AFDN: variants seen among roughly 807,000 people sequenced by gnomAD.
AFDN encodes the protein afadin, adherens junction formation factor.
Under a neutral mutation model 216.6 loss-of-function variants are expected in AFDN, and 68 were observed. That is an observed-to-expected ratio of 0.31 (90% CI 0.26 to 0.38). The LOEUF (loss-of-function observed/expected upper bound fraction) is 0.38, where lower values mean the gene tolerates loss of function less well. Among genes scored for constraint, AFDN ranks in the 10% least tolerant of loss-of-function variants. The pLI is 1.00. For missense variants in AFDN, 2,136 were observed against 2,342.0 expected (o/e 0.91, Z 1.82); for synonymous variants, 868 against 853.7 (o/e 1.02, Z -0.29).
chr6:167,928,642 G>A (rs898248569), intron 23 of AFDN, among the ~76,000 whole-genome samples: 1 of 152,332 alleles, frequency 6.6e-6, no homozygotes, highest in Admixed American at 6.5e-5. Flanking sequence ...GTGCCCGACT[G>A]TGCCTGAGTC....
intron 22 of AFDN, chr6:167,923,223 A>G (rs1792051326): frequency 7.1e-6 from 2 of 281,270 alleles, no homozygotes; most frequent in Non-Finnish European, 6.5e-6. Context: ...TACCAGTCTT[A>G]ATACATATTT....
intron 1 of AFDN, among the ~76,000 whole-genome samples, chr6:167,854,366 A>T (rs867403024): frequency 1.3e-5 from 2 of 151,600 alleles, no homozygotes; most frequent in Admixed American, 6.6e-5. Context: ...CAAGTTGGAA[A>T]TTTTTTTCCC....
At chr6:167,889,473 G>T in intron 7 of AFDN, 147 bp downstream of exon 7, 2 of 585,650 alleles carry the variant, frequency 3.4e-6, no homozygotes, top group Non-Finnish European at 5.8e-6. Flanking sequence ...CACTCTTGTT[G>T]CCCAGGCTGG....
intron 13 of AFDN, 49 bp from the exon 14 acceptor site, chr6:167,911,052 T>C: frequency 2.7e-6 from 4 of 1,489,394 alleles, no homozygotes; most frequent in Non-Finnish European, 3.7e-6. Context: ...TCAGTAATAT[T>C]GTTAGCCATG....
intron 30 of AFDN, among the ~76,000 whole-genome samples, chr6:167,961,926 G>C (rs1797075644): frequency 6.6e-6 from 1 of 152,154 alleles, no homozygotes; most frequent in South Asian, 2.1e-4. Flanking sequence ...ATGGACGACT[G>C]CCCGGCCCAC....
chr6:167,899,508 A>T (rs1241148691), intron 11 of AFDN, among the ~76,000 whole-genome samples: 1 of 152,106 alleles, frequency 6.6e-6, no homozygotes, highest in African/African-American at 2.4e-5. Context: ...TTTTTCATTG[A>T]TCAGCCGTGT....
At chr6:167,885,702 G>C (rs1786706389) in intron 6 of AFDN, among the ~76,000 whole-genome samples, 2 of 152,234 alleles carry the variant, frequency 1.3e-5, no homozygotes. Flanking sequence ...GACACAAAGT[G>C]AGCAATGCTG....
intron 23 of AFDN, among the ~76,000 whole-genome samples, chr6:167,937,595 T>TAC (rs10625113): frequency 0.99 from 150,549 of 152,242 alleles, 74,444 homozygotes; most frequent in Middle Eastern, 1. Context: ...ACAAACAGAT[T>TAC]TTATAAATTC....
intron 15 of AFDN, among the ~76,000 whole-genome samples, chr6:167,913,191 G>A (rs1383156326): frequency 6.6e-6 from 1 of 152,136 alleles, no homozygotes; most frequent in Non-Finnish European, 1.5e-5. Context: ...TGTGCCAGTG[G>A]TAAGAACATA....
At chr6:167,942,364 G>C (rs1413118265) in intron 23 of AFDN, among the ~76,000 whole-genome samples, 1 of 152,168 alleles carries the variant, frequency 6.6e-6, no homozygotes, top group Non-Finnish European at 1.5e-5. Context: ...CAATCGTTGT[G>C]ACCTAAGGAA....
intron 1 of AFDN, among the ~76,000 whole-genome samples, chr6:167,853,327 A>G (rs2128186004): frequency 1.3e-5 from 2 of 152,192 alleles, no homozygotes; most frequent in Middle Eastern, 6.8e-3. Context: ...TGCCAGTATT[A>G]TTACTAACAA....
At chr6:167,958,886 A>G (rs1228046045) in intron 30 of AFDN, among the ~76,000 whole-genome samples, 10 of 152,232 alleles carry the variant, frequency 6.6e-5, no homozygotes, top group Admixed American at 4.6e-4. Context: ...TATTTTGTCT[A>G]TTCAAATTGG....
At chr6:167,901,814 G>A (rs556631722) in intron 11 of AFDN, among the ~76,000 whole-genome samples, 2 of 151,954 alleles carry the variant, frequency 1.3e-5, no homozygotes, top group African/African-American at 4.8e-5. Context: ...TGATCGGGCC[G>A]GGCGTGGTGG....
rs1217191973 is a variant in AFDN at position 167,896,858 on chromosome 6, T to C, written c.1223-20T>C. ...ATATTAGACTTTGCAAATAGAGCTG[T>C]CTTCCTTCTCTTCTCACAGATGGTT... On this transcript the variant is annotated intron_variant, in intron 9 of 33. Coordinates refer to ENST00000683244, the MANE Select transcript of AFDN (RefSeq NM_001386888.1). 6 of 1,515,590 alleles carry C rather than the reference T, an allele frequency of 4.0e-6. No individual in the cohort carries two copies. The Admixed American group carries it at 1.0e-4, about 26-fold the overall frequency. 93.9% of individuals were successfully genotyped at this position (1,515,590 alleles called of 1,614,324 possible). A position where few individuals can be genotyped will look rare whatever the true frequency, so the allele number is the denominator to read the frequency against.
chr6:167,862,734 C>T (rs1346974574), intron 1 of AFDN, among the ~76,000 whole-genome samples: 1 of 152,192 alleles, frequency 6.6e-6, no homozygotes. Context: ...AAAAGGATGT[C>T]AGGTTTGCTT....
At chr6:167,842,653 T>C (rs1227322770) in intron 1 of AFDN, among the ~76,000 whole-genome samples, 1 of 152,194 alleles carries the variant, frequency 6.6e-6, no homozygotes, top group Non-Finnish European at 1.5e-5. Context: ...GGATGTATTA[T>C]TTCACATACT....
intron 23 of AFDN, among the ~76,000 whole-genome samples, chr6:167,942,066 TTTTGG>T (rs57273828): frequency 2.0e-5 from 3 of 151,796 alleles, no homozygotes; most frequent in Non-Finnish European, 2.9e-5. Flanking sequence ...AGGCGTTTTG[TTTTGG>T]TTTGGTTTGG....
intron 9 of AFDN, among the ~76,000 whole-genome samples, chr6:167,896,225 CAA>C (rs35338275): frequency 2.2e-5 from 3 of 136,554 alleles, no homozygotes; most frequent in Admixed American, 7.3e-5. Flanking sequence ...TATAAAATGA[CAA>C]AAAAAAAAAA....
chr6:167,964,678 G>C lies in AFDN; in HGVS notation c.4969-1079G>C, dbSNP rs1020178413. 9.4e-6 allele frequency: 10 copies of C among 1,062,196 alleles called. No individual in the cohort carries two copies. The African/African-American group carries it at 1.6e-4, about 18-fold the overall frequency. The allele number at this position is 1,062,196 out of a possible 1,614,324, so 65.8% of individuals were successfully genotyped here. ...TGTGTGTGTAGCTCTAGAGGGAGTAGGGAGAAAATACAGGATGAAATTGAA... is the reference window on the plus strand; with the variant it reads ...TGTGTGTGTAGCTCTAGAGGGAGTACGGAGAAAATACAGGATGAAATTGAA... On this transcript the variant is annotated intron_variant, in intron 31 of 33. Transcript: ENST00000683244.
Sources: gnomAD v4.1 joint callset for allele counts (sites outside exome capture counted in the v4.1 genomes callset) on GRCh38, gnomAD v4.1.1 for gene constraint, MANE v1.5 for transcripts, NCBI Gene and HGNC (gene_info 2026-07-23, HGNC 2026-07-21) for gene names.